ECHS1: variants seen among roughly 807,000 people sequenced by gnomAD.
The protein encoded by ECHS1 is enoyl-CoA hydratase, mitochondrial.
ECHS1 carries 19 observed loss-of-function variants against 33.5 expected under a neutral mutation model. The ratio of observed to expected loss-of-function variants is 0.57; its 90% CI spans 0.40 to 0.83. The LOEUF (loss-of-function observed/expected upper bound fraction) is 0.83, where lower values mean the gene tolerates loss of function less well. ECHS1 is among the 40% of genes least tolerant of loss of function. The pLI, the probability that ECHS1 is intolerant of heterozygous loss-of-function variation, is 0.00. For synonymous variants in ECHS1, 158 were observed against 146.6 expected, an observed-to-expected ratio of 1.08 and a Z score of -0.56; for missense variants, 365 against 381.3, an observed-to-expected ratio of 0.96 and a Z score of 0.36.
At position 133,370,594 on chromosome 10, in the gene ECHS1, G is replaced by A. The variant is rs1291072205; in HGVS notation, c.252C>T (p.Ala84=). 2 of 1,607,752 alleles carry A rather than the reference G, an allele frequency of 1.2e-6. No homozygotes were observed. Among genetic ancestry groups the A allele is most frequent in the Non-Finnish European group, 1.7e-6 (2 of 1,177,668 alleles). The change falls in exon 2 of 8, where the codon GCC becomes GCT. Residue 84 remains alanine (A), a synonymous_variant. Coordinates refer to ENST00000368547, the MANE Select transcript of ECHS1 (RefSeq NM_004092.4). ...KTFEEDPAVG[A]IVLTGGDKAF... ...CCTTATCCCCGCCGGTGAGGACAAT[G>A]GCCCCCACGGCCGGGTCCTCCTCGA...
intron 6 of ECHS1, 64 bp downstream of exon 6, chr10:133,365,912 C>T: frequency 6.3e-7 from 1 of 1,590,848 alleles, no homozygotes; most frequent in Non-Finnish European, 8.6e-7. Flanking sequence ...AGAAAGCCTG[C>T]TGCTGAGGAA....
At chr10:133,363,572 T>TC (rs1848993792) in intron 7 of ECHS1, among the ~76,000 whole-genome samples, 1 of 152,188 alleles carries the variant, frequency 6.6e-6, no homozygotes, top group Non-Finnish European at 1.5e-5. Flanking sequence ...TCACTTGAGG[T>TC]CAGGAGTTCA....
intron 6 of ECHS1, among the ~76,000 whole-genome samples, chr10:133,365,249 C>T (rs773573025): frequency 4.8e-4 from 73 of 152,212 alleles, no homozygotes; most frequent in Non-Finnish European, 3.1e-4. Flanking sequence ...CAGGGGAGCA[C>T]GACCTTGCCA....
rs755536429 is a variant in ECHS1 at position 133,370,602 on chromosome 10, C to T, written c.244G>A (p.Val82Met). 24 of 1,609,344 alleles carry T rather than the reference C, an allele frequency of 1.5e-5. No homozygotes were observed. The highest frequency in any genetic ancestry group is 8.9e-5 in the East Asian group (4 of 44,808). Residue 82 changes from valine (V) to methionine (M), a missense_variant, in exon 2 of 8, where the codon GTG (valine) becomes ATG (methionine). Physicochemically the swap from Val to Met is conservative, Grantham distance 21. Transcript: ENST00000368547. ...CCGCCGGTGAGGACAATGGCCCCCA[C>T]GGCCGGGTCCTCCTCGAAGGTCTTC... ...ALKTFEEDPA[V>M]GAIVLTGGDK... is the part of the protein sequence containing the mutation.
intron 1 of ECHS1, among the ~76,000 whole-genome samples, chr10:133,371,232 A>C (rs183049946): frequency 2.6e-5 from 4 of 152,180 alleles, no homozygotes; most frequent in Admixed American, 2.0e-4. Flanking sequence ...AGCTGAGATC[A>C]TGCCACTGCA....
intron 7 of ECHS1, among the ~76,000 whole-genome samples, chr10:133,364,298 T>C (rs904017706): frequency 6.6e-6 from 1 of 152,002 alleles, no homozygotes; most frequent in African/African-American, 2.4e-5. Flanking sequence ...GCTGCCCAGT[T>C]GGACTCGAAC....
rs1274010136 is a variant in ECHS1 at position 133,373,320 on chromosome 10, C to T, written c.14G>A (p.Arg5His). 2 of 1,502,854 alleles carry T rather than the reference C, an allele frequency of 1.3e-6. No individual in the cohort carries two copies. The highest frequency in any genetic ancestry group is 1.2e-5 in the South Asian group (1 of 81,478). 93.1% of individuals were successfully genotyped at this position (1,502,854 alleles called of 1,614,324 possible). The change falls in exon 1 of 8, where the codon CGT becomes CAT. Residue 5 changes from arginine to histidine, a missense_variant. Coordinates refer to ENST00000368547, the MANE Select transcript of ECHS1 (RefSeq NM_004092.4). MAALRVLLSCVRGPL... is the reference protein window; with the variant it reads MAALHVLLSCVRGPL... ...GCCGCGGACGCAGGACAGCAGGACA[C>T]GCAGGGCGGCCATGGCTCTCTGGAC...
intron 4 of ECHS1, 122 bp downstream of exon 4, chr10:133,368,801 G>T: frequency 2.3e-6 from 2 of 885,968 alleles, no homozygotes; most frequent in East Asian, 2.6e-5. Flanking sequence ...AGGGACCACT[G>T]ACCAGCCATG....
chr10:133,366,908 G>A lies in ECHS1; in HGVS notation c.600C>T (p.Ala200=). 6.2e-7 allele frequency: 1 copy of A among 1,612,032 alleles called. No individual in the cohort carries two copies. Residue 200 remains alanine (A), a synonymous_variant, in exon 5 of 8, where the codon GCC becomes GCT. Coordinates refer to ENST00000368547, the MANE Select transcript of ECHS1 (RefSeq NM_004092.4). Reference sequence around the variant, plus strand: ...CCATACCTGCTTGCTTGGCGTCCTGGGCTGAGATCCGGTCACCAGTGAGGA... The same window carrying A: ...CCATACCTGCTTGCTTGGCGTCCTGAGCTGAGATCCGGTCACCAGTGAGGA... The part of the protein sequence containing the change: ...EMVLTGDRIS[A]QDAKQAGLVS...
intron 3 of ECHS1, 97 bp from the exon 4 acceptor site, chr10:133,369,119 G>T: frequency 8.7e-7 from 1 of 1,148,350 alleles, no homozygotes; most frequent in Non-Finnish European, 1.3e-6. Context: ...AAGAAACAGT[G>T]TTGGGGGTAT....
intron 4 of ECHS1, 46 bp downstream of exon 4, chr10:133,368,877 A>G (rs752416594): frequency 6.4e-7 from 1 of 1,564,876 alleles, no homozygotes; most frequent in Non-Finnish European, 8.8e-7. Context: ...GCAGATTTTG[A>G]GTAATTACCT....
At position 133,368,746 on chromosome 10, in the gene ECHS1, C is replaced by G. The variant is rs563121724; in HGVS notation, c.514+177G>C. 8.5e-5 allele frequency among the ~76,000 whole-genome samples: 13 copies of G among 152,290 alleles called. No individual in the cohort carries two copies. In the East Asian group the frequency reaches 1.7e-3, roughly 20 times the overall value. On this transcript the variant is annotated intron_variant, in intron 4 of 7. Coordinates refer to ENST00000368547, the MANE Select transcript of ECHS1 (RefSeq NM_004092.4). ...ACAGTCCCGGGACTCTAAGGCCCCC[C>G]CCAAGCTCTGTCACAACCACTCTAG...
At chr10:133,367,384 A>G (rs143138982) in intron 4 of ECHS1, among the ~76,000 whole-genome samples, 171 of 149,242 alleles carry the variant, frequency 1.1e-3, no homozygotes, top group South Asian at 8.1e-3. Context: ...TCTTTGTTGT[A>G]TTACTAATAT....
At chr10:133,364,577 T>C (rs1432926651) in intron 7 of ECHS1, 81 bp downstream of exon 7, 2 of 1,122,948 alleles carry the variant, frequency 1.8e-6, no homozygotes, top group African/African-American at 3.1e-5. Context: ...CGATACTTAA[T>C]GATAAAATTT....
Position 133,369,990 on chromosome 10 carries a change from C to A in ECHS1, c.328G>T (p.Asp110Tyr). 1 of 1,613,870 alleles carries A rather than the reference C, an allele frequency of 6.2e-7. No homozygotes were observed. The highest frequency in any genetic ancestry group is 1.1e-5 in the South Asian group (1 of 91,074). ...IKEMQNLSFQ[D>Y]CYSSKFLKHW... ...TTCAAGAACTTGCTGGAGTAACAGT[C>A]CTGGAAACTCAGGTTCTGCATTTCC... Residue 110 changes from aspartate (D) to tyrosine (Y), a missense_variant, in exon 3 of 8, where the codon GAC (aspartate) becomes TAC (tyrosine). Transcript: ENST00000368547.
intron 1 of ECHS1, 94 bp downstream of exon 1, chr10:133,373,152 C>A: frequency 1.0e-6 from 1 of 966,234 alleles, no homozygotes; most frequent in Non-Finnish European, 1.3e-6. Context: ...GATGCGGGGT[C>A]AGGTGGGAGG....
At chr10:133,367,508 GC>G in intron 4 of ECHS1, among the ~76,000 whole-genome samples, 1 of 151,676 alleles carries the variant, frequency 6.6e-6, no homozygotes, top group Non-Finnish European at 1.5e-5. Context: ...CCGCTTGAGG[GC>G]TCCTTGGTCA....
chr10:133,373,049 GGGTGCGGGGT>G (rs1849134977), intron 1 of ECHS1, among the ~76,000 whole-genome samples, 187 bp downstream of exon 1: 1 of 82,498 alleles, frequency 1.2e-5, no homozygotes, highest in Non-Finnish European at 2.5e-5. Flanking sequence ...TCAGGCGGGG[GGGTGCGGGGT>G]CAGGCGGAGT....
Position 133,370,104 on chromosome 10 carries a change from A to G in ECHS1, c.287-73T>C, listed in dbSNP as rs73390179. The G allele has an allele frequency of 0.035, 56,121 of 1,581,170 alleles. 2,902 individuals carry two copies. The highest frequency in any genetic ancestry group is 0.24 in the African/African-American group (18,144 of 74,194). ...CACCCATCCTATATCTCTCAGACCA[A>G]CAAGGAACTTCAGAGCACACCAGAC... On this transcript the variant is annotated intron_variant, in intron 2 of 7. Transcript: ENST00000368547.
Sources: allele counts gnomAD v4.1 joint callset (sites outside exome capture counted in the v4.1 genomes callset), GRCh38; gene constraint gnomAD v4.1.1; transcripts MANE v1.5; gene names NCBI Gene and HGNC (gene_info 2026-07-23, HGNC 2026-07-21).